The following RNF213 variants were observed in gnomAD, a reference collection of about 807,000 sequenced individuals.
RNF213 encodes ring finger protein 213.
RNF213 carries 341 observed loss-of-function variants against 514.4 expected under a neutral mutation model. That is an observed-to-expected ratio of 0.66 (90% CI 0.61 to 0.73). The LOEUF (loss-of-function observed/expected upper bound fraction) is 0.73. RNF213 is among the 30% of genes least tolerant of loss of function. RNF213 has a pLI of 0.00. For synonymous variants in RNF213, 2,655 were observed against 2,658.2 expected (o/e 1.00, Z 0.04); for missense variants, 5,767 against 6,615.6 (o/e 0.87, Z 4.45).
intron 58 of RNF213, 75 bp downstream of exon 58, chr17:80,383,145 C>A: frequency 9.5e-7 from 1 of 1,053,268 alleles, no homozygotes; most frequent in South Asian, 1.3e-5. Context: ...CTGAATGCTC[C>A]TTGCCTGTTG....
At chr17:80,315,621 C>A (rs1312185086) in intron 15 of RNF213, 1 of 2,790 alleles carries the variant, frequency 3.6e-4, no homozygotes, top group Non-Finnish European at 5.9e-4. Flanking sequence ...GATGGTGGTC[C>A]GTGGAGGTGA....
In RNF213 at chr17:80,339,530, G is replaced by A. The variant is rs1336024604; in HGVS notation, c.5163G>A (p.Pro1721=). Residue 1721 remains proline (P), a synonymous_variant, in exon 26 of 68, where the codon CCG becomes CCA. Transcript: ENST00000582970. ...YLSTELRKQP[P]SDAALTMLSF... ...GCACTGAGCTCAGGAAGCAGCCCCC[G>A]AGTGATGCCGCCCTAACGATGCTAT... is the stretch of plus-strand genomic sequence containing the variant. 3.9e-6 allele frequency: 6 copies of A among 1,537,206 alleles called. No homozygotes were observed. Among genetic ancestry groups the A allele is most frequent in the South Asian group, 3.6e-5 (3 of 84,048 alleles).
chr17:80,389,339 T>TG lies in RNF213; in HGVS notation c.15170dup (p.Asp5058Ter). ...GTGTATACTCAAGACATCCTGCAAA[T>TG]GGGTGATCAGACGATTCACGTGTTA... On this transcript the variant is annotated frameshift_variant, in exon 65 of 68. Coordinates refer to ENST00000582970, the MANE Select transcript of RNF213 (RefSeq NM_001256071.3). LOFTEE classifies it high-confidence loss of function. 6.2e-7 allele frequency: 1 copy of TG among 1,614,174 alleles called. No individual in the cohort carries two copies. Among genetic ancestry groups the TG allele is most frequent in the Non-Finnish European group, 8.5e-7 (1 of 1,180,036 alleles).
At chr17:80,331,964 A>G in intron 20 of RNF213, 42 bp from the exon 21 acceptor site, 3 of 1,516,678 alleles carry the variant, frequency 2.0e-6, no homozygotes, top group Non-Finnish European at 2.6e-6. Context: ...TGGAATCATG[A>G]TTAGAGCTTT....
At position 80,377,748 on chromosome 17, in the gene RNF213, T is replaced by C; in HGVS notation, c.13511-14T>C. 6.2e-7 allele frequency: 1 copy of C among 1,614,196 alleles called. No individual in the cohort carries two copies. The highest frequency in any genetic ancestry group is 2.2e-5 in the East Asian group (1 of 44,878). On this transcript the variant is annotated splice_polypyrimidine_tract_variant and intron_variant, in intron 53 of 67. Coordinates refer to ENST00000582970, the MANE Select transcript of RNF213 (RefSeq NM_001256071.3). This position sits in a 1 kb window ranked among gnomAD's most constrained non-coding sequence, Gnocchi z 4.1. ...AAACCTCATTAGCCAATGTGTGTCCTGTTCTCTTCACAGCTTGTCCCAACG... is the reference window on the plus strand; with the variant it reads ...AAACCTCATTAGCCAATGTGTGTCCCGTTCTCTTCACAGCTTGTCCCAACG...
intron 2 of RNF213, among the ~76,000 whole-genome samples, chr17:80,272,735 GTCTGCATGGCAGC>G (rs571412060): frequency 2.0e-3 from 303 of 152,300 alleles, no homozygotes; most frequent in Non-Finnish European, 3.4e-3. Context: ...GCTCCATGCT[GTCTGCATGGCAGC>G]TCTGCATGGG....
At chr17:80,306,549 T>C (rs2143576724) in intron 12 of RNF213, 81 bp downstream of exon 12, 3 of 1,416,780 alleles carry the variant, frequency 2.1e-6, no homozygotes, top group Admixed American at 1.9e-5. Flanking sequence ...TCAGGATTCT[T>C]ATTCCTAAAA....
intron 3 of RNF213, among the ~76,000 whole-genome samples, chr17:80,274,587 T>A: frequency 3.5e-5 from 1 of 28,630 alleles, no homozygotes; most frequent in Non-Finnish European, 7.4e-5. Flanking sequence ...CTGTGGTCTG[T>A]GGGGGGTGAG....
chr17:80,359,913 C>A, intron 37 of RNF213, 148 bp from the exon 38 acceptor site: 1 of 755,332 alleles, frequency 1.3e-6, no homozygotes, highest in South Asian at 1.5e-5. Context: ...AAACCCTGTA[C>A]TGTGAAACAG....
intron 38 of RNF213, among the ~76,000 whole-genome samples, chr17:80,361,345 C>T (rs1371535592): frequency 1.3e-5 from 2 of 152,054 alleles, no homozygotes; most frequent in Non-Finnish European, 2.9e-5. Context: ...ATGGTGAAAC[C>T]CCGTCTCTAC....
rs1202117559 is a variant in RNF213, at chr17:80,334,362, C to G, written c.4309+92C>G. On this transcript the variant is annotated intron_variant, in intron 22 of 67. Coordinates refer to ENST00000582970, the MANE Select transcript of RNF213 (RefSeq NM_001256071.3). ...TTCCTAAACTCTTTGGCAATACCTC[C>G]CCTTGGCCAAGGACTACGTAAAGGG... 4 of 1,367,232 alleles carry G rather than the reference C, an allele frequency of 2.9e-6. No homozygotes were observed. The East Asian group carries it at 1.0e-4, about 34-fold the overall frequency. The allele number at this position is 1,367,232 out of a possible 1,614,324, so 84.7% of individuals were successfully genotyped here.
chr17:80,376,748 C>T, intron 52 of RNF213, 134 bp from the exon 53 acceptor site: 1 of 1,109,178 alleles, frequency 9.0e-7, no homozygotes, highest in Admixed American at 2.0e-5. Context: ...GTTCTGTTTT[C>T]TTCACAGACA....
rs2080253231 is a variant in RNF213 at position 80,386,786 on chromosome 17, C to T, written c.14817C>T (p.Tyr4939=). The change falls in exon 63 of 68, where the codon TAC becomes TAT. Residue 4939 remains tyrosine (Y), a synonymous_variant. Coordinates refer to ENST00000582970, the MANE Select transcript of RNF213 (RefSeq NM_001256071.3). ...CACTGATTCTCTCCAACTGCCAGTACCAGGTGGAGGAGGGCAGAGAGACCG... is the reference window on the plus strand; with the variant it reads ...CACTGATTCTCTCCAACTGCCAGTATCAGGTGGAGGAGGGCAGAGAGACCG... ...LTPLILSNCQ[Y]QVEEGRETVQ... 6.2e-7 allele frequency: 1 copy of T among 1,614,034 alleles called. No homozygotes were observed. The highest frequency in any genetic ancestry group is 2.2e-5 in the East Asian group (1 of 44,886).
chr17:80,367,326 A>C (rs1042621297), intron 42 of RNF213, among the ~76,000 whole-genome samples: 1 of 152,252 alleles, frequency 6.6e-6, no homozygotes, highest in Non-Finnish European at 1.5e-5. Flanking sequence ...TCTCTAAAAA[A>C]TGATCTATCG....
In RNF213 at chr17:80,385,564, A is replaced by G. The variant is rs2080201697; in HGVS notation, c.14482A>G (p.Arg4828Gly). The change falls in exon 61 of 68, where the codon AGG becomes GGG. Residue 4828 changes from arginine to glycine, a missense_variant. Arg to Gly is a moderately radical substitution (Grantham distance 125). This residue lies in a region of RNF213 where 1,245 missense variants were observed against 1,339.0 expected (regional missense o/e 0.93). Transcript: ENST00000582970. The stretch of plus-strand genomic sequence containing the variant: ...TGGGTTGAGGCAGCTGCTTCACAAC[A>G]GGATCACAGTCTTTCTGTCCACATG... ...SDGLRQLLHNRITVFLSTWNK... is the reference protein window; with the variant it reads ...SDGLRQLLHNGITVFLSTWNK... 1 of 1,614,184 alleles carries G rather than the reference A, an allele frequency of 6.2e-7. No homozygotes were observed.
intron 55 of RNF213, among the ~76,000 whole-genome samples, chr17:80,380,359 CATCCTCT>C (rs1381661067): frequency 2.0e-5 from 3 of 152,206 alleles, no homozygotes; most frequent in Non-Finnish European, 4.4e-5. Context: ...CAGTGTCCTC[CATCCTCT>C]AATAGTTTTG....
chr17:80,262,515 C>T (rs1038044899), intron 1 of RNF213, among the ~76,000 whole-genome samples: 8 of 152,074 alleles, frequency 5.3e-5, no homozygotes, highest in Non-Finnish European at 8.8e-5. Flanking sequence ...AGGCACTCCT[C>T]TTGTGTGTCC....
intron 20 of RNF213, among the ~76,000 whole-genome samples, chr17:80,331,463 A>G (rs1000556495): frequency 5.5e-5 from 8 of 145,612 alleles, no homozygotes; most frequent in Non-Finnish European, 1.2e-4. Flanking sequence ...GTCTCAGCTC[A>G]CTGCAACCTC....
At chr17:80,357,818 A>T (rs1170834553) in intron 36 of RNF213, among the ~76,000 whole-genome samples, 2 of 152,180 alleles carry the variant, frequency 1.3e-5, no homozygotes, top group Non-Finnish European at 2.9e-5. Context: ...TCAACAAAAA[A>T]TAAAATAAAA....
Sources: gnomAD v4.1 joint callset for allele counts (sites outside exome capture counted in the v4.1 genomes callset) on GRCh38, gnomAD v4.1.1 for gene constraint, gnomAD v4.1.1 regional missense constraint, Gnocchi (gnomAD v3.1) non-coding constraint, MANE v1.5 for transcripts, NCBI Gene and HGNC (gene_info 2026-07-23, HGNC 2026-07-21) for gene names.